Variants in B4GALNT3 observed in about 807,000 individuals in gnomAD.
B4GALNT3 encodes beta-1,4-N-acetyl-galactosaminyltransferase 3.
Under a neutral mutation model 120.2 loss-of-function variants are expected in B4GALNT3, and 86 were observed. The observed-to-expected ratio is 0.72, with a 90% confidence interval of 0.60 to 0.86. The LOEUF (loss-of-function observed/expected upper bound fraction) is 0.86, where lower values mean the gene tolerates loss of function less well. B4GALNT3 is among the 40% of genes least tolerant of loss of function. The pLI is 0.00. For synonymous variants in B4GALNT3, 518 were observed against 510.4 expected, an observed-to-expected ratio of 1.01 and a Z score of -0.20; for missense variants, 1,167 against 1,298.9, an observed-to-expected ratio of 0.90 and a Z score of 1.56.
At chr12:517,180 G>A (rs1013488705) in intron 1 of B4GALNT3, among the ~76,000 whole-genome samples, 2 of 152,170 alleles carry the variant, frequency 1.3e-5, no homozygotes, top group Admixed American at 6.5e-5. Flanking sequence ...TGTACAGATG[G>A]TGTCCCAAAA....
At chr12:478,216 C>T (rs1946202163) in intron 1 of B4GALNT3, among the ~76,000 whole-genome samples, 1 of 142,194 alleles carries the variant, frequency 7.0e-6, no homozygotes, top group South Asian at 2.2e-4. Flanking sequence ...CACTACTGCA[C>T]TCCAGCCTGG....
intron 1 of B4GALNT3, among the ~76,000 whole-genome samples, chr12:462,836 C>T (rs1946034961): frequency 6.6e-6 from 1 of 152,302 alleles, no homozygotes; most frequent in African/African-American, 2.4e-5. Context: ...GAAGCCCAGA[C>T]ATCTTGCATC....
In B4GALNT3 at chr12:460,457, G is replaced by A; in HGVS notation, c.81G>A (p.Leu27=). The part of the protein sequence containing the change: ...KLLRRRFRLL[L]ALAVVSVGLW... Reference sequence around the variant, plus strand: ...TGCGGAGGCGCTTCCGGCTGCTGCTGGCGCTCGCCGTGGTGTCTGTGGGGC... The same window carrying A: ...TGCGGAGGCGCTTCCGGCTGCTGCTAGCGCTCGCCGTGGTGTCTGTGGGGC... Residue 27 remains leucine (L), a synonymous_variant, in exon 1 of 20, where the codon CTG becomes CTA. Transcript: ENST00000266383. This position sits in a 1 kb window ranked among gnomAD's most constrained non-coding sequence, Gnocchi z 8.0. 1 of 1,581,228 alleles carries A rather than the reference G, an allele frequency of 6.3e-7. No homozygotes were observed. The highest frequency in any genetic ancestry group is 8.6e-7 in the Non-Finnish European group (1 of 1,165,894).
intron 13 of B4GALNT3, 60 bp from the exon 14 acceptor site, chr12:553,134 T>G: frequency 6.3e-7 from 1 of 1,582,632 alleles, no homozygotes; most frequent in Non-Finnish European, 8.6e-7. Context: ...CTGTCTTGTA[T>G]GTCTTGTTTG....
chr12:559,434 A>G lies in B4GALNT3; in HGVS notation c.2888+13A>G. The G allele has an allele frequency of 1.2e-6, 2 of 1,612,860 alleles. No individual in the cohort carries two copies. Among genetic ancestry groups the G allele is most frequent in the South Asian group, 1.1e-5 (1 of 91,034 alleles). ...AGCTGCTGGACAGGTGACTGGGAAG[A>G]GGAGGGCATCCACGAGGCCTGGGAA... is the stretch of plus-strand genomic sequence containing the variant. On this transcript the variant is annotated intron_variant, in intron 19 of 19. Coordinates refer to ENST00000266383, the MANE Select transcript of B4GALNT3 (RefSeq NM_173593.4).
At chr12:517,876 A>G (rs1946672273) in intron 1 of B4GALNT3, among the ~76,000 whole-genome samples, 2 of 152,234 alleles carry the variant, frequency 1.3e-5, no homozygotes, top group Admixed American at 6.5e-5. Context: ...GGGCTCCACA[A>G]TACTGGCTTC....
In B4GALNT3 at chr12:460,419, C is replaced by A; in HGVS notation, c.43C>A (p.Pro15Thr). ...CGCGCGGCCCCCGCTGCTCCTGCGC[C>A]CGGTGAAGCTGCTGCGGAGGCGCTT... Reference protein sequence around the residue: ...RAARPPLLLRPVKLLRRRFRL... With the variant: ...RAARPPLLLRTVKLLRRRFRL... The change falls in exon 1 of 20, where the codon CCG becomes ACG. Residue 15 changes from proline to threonine, a missense_variant. Physicochemically the swap from Pro to Thr is conservative, Grantham distance 38. This residue lies in a region of B4GALNT3 where 171 missense variants were observed against 161.3 expected (regional missense o/e 1.06). Coordinates refer to ENST00000266383, the MANE Select transcript of B4GALNT3 (RefSeq NM_173593.4). This position sits in a 1 kb window ranked among gnomAD's most constrained non-coding sequence, Gnocchi z 8.0. The A allele has an allele frequency of 6.5e-7, 1 of 1,538,488 alleles. No homozygotes were observed. The highest frequency in any genetic ancestry group is 8.7e-7 in the Non-Finnish European group (1 of 1,145,804).
At chr12:469,924 T>C (rs549662169) in intron 1 of B4GALNT3, among the ~76,000 whole-genome samples, 1 of 152,266 alleles carries the variant, frequency 6.6e-6, no homozygotes, top group African/African-American at 2.4e-5. Context: ...AGTGCTGAGA[T>C]TACAGGCATG....
intron 1 of B4GALNT3, among the ~76,000 whole-genome samples, chr12:468,720 T>A (rs893343769): frequency 3.3e-4 from 50 of 152,196 alleles, no homozygotes; most frequent in African/African-American, 1.1e-3. Flanking sequence ...ACAAACTAAT[T>A]TAGAGACCTA....
Position 550,222 on chromosome 12 carries a change from G to A in B4GALNT3, c.997+310G>A, listed in dbSNP as rs1329118619. Among the ~76,000 whole-genome samples, 4 of 152,088 alleles carry A rather than the reference G, an allele frequency of 2.6e-5. No homozygotes were observed. Among genetic ancestry groups the A allele is most frequent in the Admixed American group, 6.5e-5 (1 of 15,270 alleles). On this transcript the variant is annotated intron_variant, in intron 10 of 19. Coordinates refer to ENST00000266383, the MANE Select transcript of B4GALNT3 (RefSeq NM_173593.4). The surrounding 1 kb of genome is among the most constrained non-coding windows in gnomAD (Gnocchi z 4.1). Reference sequence around the variant, plus strand: ...TCCCTTCCCAATCTCACACGTCCCCGCCTCTTACTGCATTCCAACTCTTGT... The same window carrying A: ...TCCCTTCCCAATCTCACACGTCCCCACCTCTTACTGCATTCCAACTCTTGT...
chr12:463,117 A>G (rs1340471104), intron 1 of B4GALNT3, among the ~76,000 whole-genome samples: 2 of 152,056 alleles, frequency 1.3e-5, no homozygotes, highest in East Asian at 3.8e-4. Flanking sequence ...ATCCCTGCCA[A>G]CTCACTCCAC....
At position 550,814 on chromosome 12, in the gene B4GALNT3, C is replaced by G. The variant is rs1039218626; in HGVS notation, c.998-108C>G. 10 of 906,226 alleles carry G rather than the reference C, an allele frequency of 1.1e-5. No homozygotes were observed. In the African/African-American group the frequency reaches 1.7e-4, roughly 15 times the overall value. 56.1% of individuals were successfully genotyped at this position (906,226 alleles called of 1,614,324 possible). On this transcript the variant is annotated intron_variant, in intron 10 of 19. Coordinates refer to ENST00000266383, the MANE Select transcript of B4GALNT3 (RefSeq NM_173593.4). The surrounding 1 kb of genome is among the most constrained non-coding windows in gnomAD (Gnocchi z 4.1). ...GCCTCAGCCACAGACGTCGGCAGAA[C>G]ACAGCTGCCGCTTGCGAATACAGAA...
Position 535,281 on chromosome 12 carries a change from G to A in B4GALNT3, c.273+12G>A. The A allele has an allele frequency of 6.2e-7, 1 of 1,611,592 alleles. No homozygotes were observed. Among genetic ancestry groups the A allele is most frequent in the Non-Finnish European group, 8.5e-7 (1 of 1,178,018 alleles). On this transcript the variant is annotated intron_variant, in intron 2 of 19. Coordinates refer to ENST00000266383, the MANE Select transcript of B4GALNT3 (RefSeq NM_173593.4). ...GGCTGAGCCTCGAGGTAGGTGACCA[G>A]CCAGTCCATTGTCCCTGCTGATGCC...
rs1207900689 is a variant in B4GALNT3 at position 553,870 on chromosome 12, G to A, written c.1947G>A (p.Arg649=). The A allele has an allele frequency of 6.2e-7, 1 of 1,614,188 alleles. No individual in the cohort carries two copies. The highest frequency in any genetic ancestry group is 2.2e-5 in the East Asian group (1 of 44,878). Residue 649 remains arginine, a synonymous_variant, in exon 14 of 20, where the codon AGG becomes AGA. Transcript: ENST00000266383. ...GGAATCTCGACTTCCAAGCCCTGAG[G>A]ACTGACTGGATCGATCTGAGCTGTA... ...SARNLDFQAL[R]TDWIDLSCNT...
chr12:549,737 A>G, intron 9 of B4GALNT3, 32 bp from the exon 10 acceptor site: 2 of 1,613,326 alleles, frequency 1.2e-6, no homozygotes, highest in Non-Finnish European at 1.7e-6. Context: ...CAGGCCACAC[A>G]GCCTCCTGCT....
intron 11 of B4GALNT3, among the ~76,000 whole-genome samples, chr12:551,845 C>T (rs1947086480): frequency 2.0e-5 from 3 of 151,838 alleles, no homozygotes; most frequent in African/African-American, 7.3e-5. Flanking sequence ...TGCATTTGGT[C>T]CATAGGGCCT....
At chr12:544,801 C>G (rs1946971065) in intron 4 of B4GALNT3, 81 bp from the exon 5 acceptor site, 2 of 1,410,704 alleles carry the variant, frequency 1.4e-6, no homozygotes, top group Non-Finnish European at 2.0e-6. Flanking sequence ...ATAGTCCCCT[C>G]CTGGTCTTCC....
Position 544,842 on chromosome 12 carries a change from C to G in B4GALNT3, c.448-40C>G, listed in dbSNP as rs758175327. ...ATCCTGGCGGGAAGTTTCCTTTTCCCTCTTCTGGGTAACTGTTTCCTTCCC... is the reference window on the plus strand; with the variant it reads ...ATCCTGGCGGGAAGTTTCCTTTTCCGTCTTCTGGGTAACTGTTTCCTTCCC... On this transcript the variant is annotated intron_variant, in intron 4 of 19. Transcript: ENST00000266383. 2.4e-5 allele frequency: 38 copies of G among 1,599,990 alleles called. 1 individual carries two copies. In the Admixed American group the frequency reaches 6.2e-4, roughly 26 times the overall value.
intron 1 of B4GALNT3, among the ~76,000 whole-genome samples, chr12:501,687 A>G (rs1053890539): frequency 2.0e-5 from 3 of 152,216 alleles, no homozygotes; most frequent in Admixed American, 2.0e-4. Flanking sequence ...CCAGTTGGCC[A>G]CTCAACTAGG....
Sources: allele counts gnomAD v4.1 joint callset (sites outside exome capture counted in the v4.1 genomes callset), GRCh38; gene constraint gnomAD v4.1.1; regional missense constraint gnomAD v4.1.1; non-coding constraint Gnocchi (gnomAD v3.1); transcripts MANE v1.5; gene names NCBI Gene and HGNC (gene_info 2026-07-23, HGNC 2026-07-21).